CIAO2A: variants seen among roughly 807,000 people sequenced by gnomAD.
CIAO2A encodes cytosolic iron-sulfur assembly component 2A, also known as MIP18 family protein FAM96A.
In CIAO2A, 17 loss-of-function variants were observed where a neutral mutation model predicts 22.4. The ratio of observed to expected loss-of-function variants is 0.76; its 90% CI spans 0.52 to 1.14. The LOEUF is 1.14. CIAO2A is among the 50% of genes most tolerant of loss of function. The pLI is 0.00. For missense variants in CIAO2A, 192 were observed against 191.4 expected, an observed-to-expected ratio of 1.00 and a Z score of -0.02; for synonymous variants, 74 against 72.3, an observed-to-expected ratio of 1.02 and a Z score of -0.12.
chr15:64,084,922 G>A (rs1355370418), intron 2 of CIAO2A, among the ~76,000 whole-genome samples: 5 of 151,516 alleles, frequency 3.3e-5, no homozygotes, highest in Admixed American at 6.6e-5. Context: ...GTGAAACCCC[G>A]TCTCTACTAA....
chr15:64,085,623 G>A (rs1006540671), intron 2 of CIAO2A, among the ~76,000 whole-genome samples: 6 of 152,136 alleles, frequency 3.9e-5, no homozygotes, highest in Non-Finnish European at 8.8e-5. Context: ...TACAGATAAG[G>A]AAACTGGGTC....
intron 1 of CIAO2A, among the ~76,000 whole-genome samples, chr15:64,089,987 A>C (rs1384022708): frequency 6.6e-6 from 1 of 152,210 alleles, no homozygotes; most frequent in Non-Finnish European, 1.5e-5. Context: ...TGTCAAACCC[A>C]CAGGATTCAC....
chr15:64,092,645 C>T (rs1595963116), intron 1 of CIAO2A, among the ~76,000 whole-genome samples: 2 of 152,178 alleles, frequency 1.3e-5, no homozygotes, highest in African/African-American at 4.8e-5. Context: ...GATCATTTTA[C>T]TCACAATTAT....
chr15:64,088,222 G>C (rs1375796533), intron 2 of CIAO2A, among the ~76,000 whole-genome samples: 1 of 152,200 alleles, frequency 6.6e-6, no homozygotes, highest in African/African-American at 2.4e-5. Context: ...GAAACCAGAA[G>C]AGTCACTGAA....
intron 2 of CIAO2A, 37 bp from the exon 3 acceptor site, chr15:64,081,188 A>G (rs370317638): frequency 1.0e-5 from 16 of 1,584,454 alleles, no homozygotes; most frequent in Admixed American, 1.7e-5. Flanking sequence ...TTATCTCTTT[A>G]TTGCTTCTTA....
At chr15:64,093,131 T>C (rs927513207) in intron 1 of CIAO2A, among the ~76,000 whole-genome samples, 1 of 152,228 alleles carries the variant, frequency 6.6e-6, no homozygotes, top group Admixed American at 6.5e-5. Flanking sequence ...GCCAATCTCG[T>C]TCTCTTCTTT....
Position 64,092,420 on chromosome 15 carries a change from CAG to C in CIAO2A, c.124+1223_124+1224del, listed in dbSNP as rs551502606. Reference sequence around the variant, plus strand: ...CAAAGTCTTTCTAGATCCCCTCAGTCAGAGACTAGTATCTCCCTTTCTCTGAA... The same window carrying C: ...CAAAGTCTTTCTAGATCCCCTCAGTCAGACTAGTATCTCCCTTTCTCTGAA... On this transcript the variant is annotated intron_variant, in intron 1 of 4. Coordinates refer to ENST00000300030, the MANE Select transcript of CIAO2A (RefSeq NM_032231.7). Among the ~76,000 whole-genome samples, 675 of 152,314 alleles carry C rather than the reference CAG, an allele frequency of 4.4e-3. 5 individuals carry two copies. The highest frequency in any genetic ancestry group is 0.014 in the South Asian group (68 of 4,834).
At position 64,084,881 on chromosome 15, in the gene CIAO2A, T is replaced by C. The variant is rs144919676; in HGVS notation, c.290-3730A>G. Among the ~76,000 whole-genome samples the C allele has an allele frequency of 7.6e-3, 1,161 of 152,016 alleles. 16 individuals carry two copies. The highest frequency in any genetic ancestry group is 0.027 in the African/African-American group (1,117 of 41,460). On this transcript the variant is annotated intron_variant, in intron 2 of 4. Coordinates refer to ENST00000300030, the MANE Select transcript of CIAO2A (RefSeq NM_032231.7). Reference sequence around the variant, plus strand: ...GCCAAAGAGGGCAGATCACTTGAGGTCACAAGTTCGAGACCAGCCTGGCCA... The same window carrying C: ...GCCAAAGAGGGCAGATCACTTGAGGCCACAAGTTCGAGACCAGCCTGGCCA...
At chr15:64,084,999 G>A (rs1307480733) in intron 2 of CIAO2A, among the ~76,000 whole-genome samples, 6 of 151,188 alleles carry the variant, frequency 4.0e-5, no homozygotes, top group Admixed American at 6.6e-5. Flanking sequence ...AGGCTGAAGC[G>A]GAGAATCACT....
chr15:64,083,554 T>G (rs1008055638), intron 2 of CIAO2A, among the ~76,000 whole-genome samples: 23 of 152,196 alleles, frequency 1.5e-4, no homozygotes, highest in African/African-American at 5.6e-4. Context: ...TGGAGGAATA[T>G]CTGTTAACAC....
At chr15:64,081,237 C>T in intron 2 of CIAO2A, 86 bp from the exon 3 acceptor site, 10 of 1,283,682 alleles carry the variant, frequency 7.8e-6, no homozygotes, top group Non-Finnish European at 1.1e-5. Flanking sequence ...TTTATGTGCC[C>T]CCATACAACA....
chr15:64,092,068 A>C (rs1252470388), intron 1 of CIAO2A, among the ~76,000 whole-genome samples: 21 of 150,590 alleles, frequency 1.4e-4, no homozygotes, highest in Admixed American at 1.4e-3. Flanking sequence ...TGTCTCAAAA[A>C]AAAAAAAAAA....
chr15:64,093,831 G>A lies in CIAO2A; in HGVS notation c.-63C>T. On this transcript the variant is annotated 5_prime_UTR_variant, in exon 1 of 5. Transcript: ENST00000300030. Reference sequence around the variant, plus strand: ...CGCCACCGTCTCTCAGCAGCCTCGGGATTGATCAACTTCCTGGTCTTCAAA... The same window carrying A: ...CGCCACCGTCTCTCAGCAGCCTCGGAATTGATCAACTTCCTGGTCTTCAAA... 5 of 1,581,124 alleles carry A rather than the reference G, an allele frequency of 3.2e-6. No individual in the cohort carries two copies. Among genetic ancestry groups the A allele is most frequent in the Admixed American group, 1.8e-5 (1 of 56,692 alleles).
rs765026006 is a variant in CIAO2A at position 64,088,764 on chromosome 15, T to A, written c.212A>T (p.Glu71Val). 6.2e-7 allele frequency: 1 copy of A among 1,614,076 alleles called. No homozygotes were observed. The highest frequency in any genetic ancestry group is 2.2e-5 in the East Asian group (1 of 44,868). ...VVSESCVEVQ[E>V]INEEEYLVII... ...AACCAGATATTCTTCTTCATTTATC[T>A]CCTGAACTTCCACACAACTTTCCGA... The change falls in exon 2 of 5, where the codon GAG (glutamate) becomes GTG (valine). Residue 71 changes from glutamate to valine, a missense_variant. Glu to Val is a moderately radical substitution (Grantham distance 121). Coordinates refer to ENST00000300030, the MANE Select transcript of CIAO2A (RefSeq NM_032231.7).
chr15:64,080,679 CA>C (rs1239638595), intron 3 of CIAO2A, among the ~76,000 whole-genome samples: 1 of 151,920 alleles, frequency 6.6e-6, no homozygotes, highest in African/African-American at 2.4e-5. Context: ...GACTCTGATT[CA>C]AAAAACAAAA....
intron 1 of CIAO2A, among the ~76,000 whole-genome samples, chr15:64,092,227 C>T (rs2140118580): frequency 6.6e-6 from 1 of 152,300 alleles, no homozygotes; most frequent in East Asian, 1.9e-4. Context: ...TCAACCACAT[C>T]TTCACATTTA....
rs1469937352 is a variant in CIAO2A, at chr15:64,093,642, T to A, written c.124+3A>T. On this transcript the variant is annotated splice_donor_region_variant and intron_variant, in intron 1 of 4. Transcript: ENST00000300030. The stretch of plus-strand genomic sequence containing the variant: ...AAATGCTGTGCTGGGTAAAATTAAT[T>A]ACCATAAACTTCTAGCGCTTTCTCT... The A allele has an allele frequency of 6.2e-7, 1 of 1,610,346 alleles. No individual in the cohort carries two copies. Among genetic ancestry groups the A allele is most frequent in the Non-Finnish European group, 8.5e-7 (1 of 1,177,588 alleles).
chr15:64,074,934 T>C (rs1282111215), intron 4 of CIAO2A: 3 of 152,216 alleles, frequency 2.0e-5, no homozygotes, highest in Admixed American at 2.0e-4. Flanking sequence ...TTAAAAACAT[T>C]AAAATTATGT....
chr15:64,079,847 A>G (rs2080747558), intron 3 of CIAO2A, among the ~76,000 whole-genome samples: 1 of 152,256 alleles, frequency 6.6e-6, no homozygotes, highest in South Asian at 2.1e-4. Context: ...TTTGTACTGT[A>G]AAGGACACCA....
Sources: gnomAD v4.1 joint callset for allele counts (sites outside exome capture counted in the v4.1 genomes callset) on GRCh38, gnomAD v4.1.1 for gene constraint, MANE v1.5 for transcripts, NCBI Gene and HGNC (gene_info 2026-07-23, HGNC 2026-07-21) for gene names.